Variants in SAMD3 observed in about 807,000 individuals in gnomAD.
SAMD3 encodes sterile alpha motif domain containing 3.
A neutral mutation model predicts 58.5 loss-of-function variants in SAMD3; 63 were observed. The observed-to-expected ratio is 1.08, with a 90% CI of 0.88 to 1.33. The LOEUF is 1.33. SAMD3 is among the 40% of genes most tolerant of loss of function. SAMD3 has a pLI of 0.00. For missense variants in SAMD3, 604 were observed against 608.4 expected (o/e 0.99, Z 0.08); for synonymous variants, 220 against 210.3 (o/e 1.05, Z -0.40).
At chr6:130,206,399 G>C (rs976346646) in intron 5 of SAMD3, among the ~76,000 whole-genome samples, 1 of 152,188 alleles carries the variant, frequency 6.6e-6, no homozygotes, top group Non-Finnish European at 1.5e-5. Flanking sequence ...ACTAGACAGG[G>C]AAGCAGAATG....
intron 2 of SAMD3, among the ~76,000 whole-genome samples, chr6:130,264,593 T>C (rs1363072787): frequency 6.6e-6 from 1 of 152,206 alleles, no homozygotes; most frequent in African/African-American, 2.4e-5. Context: ...AAGCCCCTTA[T>C]GGGTCTTTCA....
chr6:130,280,073 C>T (rs1361963523), intron 2 of SAMD3, among the ~76,000 whole-genome samples: 1 of 151,900 alleles, frequency 6.6e-6, no homozygotes, highest in Non-Finnish European at 1.5e-5. Flanking sequence ...GGCTATTTTT[C>T]CATTTCCCTC....
chr6:130,198,920 G>T (rs1353751948), intron 5 of SAMD3, among the ~76,000 whole-genome samples: 1 of 152,152 alleles, frequency 6.6e-6, no homozygotes, highest in Non-Finnish European at 1.5e-5. Flanking sequence ...TTGACCTTTG[G>T]AGTCATAGCT....
intron 5 of SAMD3, among the ~76,000 whole-genome samples, chr6:130,202,151 C>A (rs1794702983): frequency 6.6e-6 from 1 of 152,204 alleles, no homozygotes. Flanking sequence ...ATATCTTCCC[C>A]TGACAGAAAG....
intron 2 of SAMD3, among the ~76,000 whole-genome samples, chr6:130,309,874 A>C (rs1159762153): frequency 6.6e-6 from 1 of 152,150 alleles, no homozygotes; most frequent in East Asian, 1.9e-4. Context: ...CAGCCTTCCC[A>C]GTTTTCTCCT....
intron 5 of SAMD3, among the ~76,000 whole-genome samples, chr6:130,191,876 A>C (rs1446495359): frequency 6.6e-6 from 1 of 152,238 alleles, no homozygotes; most frequent in Non-Finnish European, 1.5e-5. Flanking sequence ...CTGCTACACA[A>C]TGTGAATTCT....
intron 2 of SAMD3, among the ~76,000 whole-genome samples, chr6:130,271,060 C>T (rs986868438): frequency 2.0e-5 from 3 of 151,506 alleles, no homozygotes; most frequent in Admixed American, 6.6e-5. Flanking sequence ...TGCACTGTGG[C>T]GCCATCTTGG....
upstream of SAMD3, among the ~76,000 whole-genome samples, chr6:130,224,900 G>A (rs1205788977): frequency 4.6e-5 from 7 of 152,158 alleles, no homozygotes; most frequent in African/African-American, 1.4e-4. Context: ...TTACAGGCAT[G>A]AGTCACCACG....
At chr6:130,264,918 G>T (rs1278058031) in intron 2 of SAMD3, among the ~76,000 whole-genome samples, 1 of 152,090 alleles carries the variant, frequency 6.6e-6, no homozygotes, top group Non-Finnish European at 1.5e-5. Context: ...AAGGCCAGTG[G>T]CCTATCTCTC....
intron 1 of SAMD3, among the ~76,000 whole-genome samples, chr6:130,350,168 G>A (rs1230108159): frequency 6.6e-6 from 1 of 152,114 alleles, no homozygotes; most frequent in African/African-American, 2.4e-5. Flanking sequence ...GCACAAGACA[G>A]GGATGCCCTC....
chr6:130,225,099 G>A (rs1305076837), upstream of SAMD3, among the ~76,000 whole-genome samples: 1 of 152,104 alleles, frequency 6.6e-6, no homozygotes, highest in African/African-American at 2.4e-5. Flanking sequence ...AGTGAGCATG[G>A]GGAAGAAAGT....
chr6:130,297,499 G>A (rs145776046), intron 2 of SAMD3, among the ~76,000 whole-genome samples: 263 of 152,282 alleles, frequency 1.7e-3, no homozygotes, highest in African/African-American at 6.0e-3. Flanking sequence ...TGACCCCTCC[G>A]AAGGATTGCA....
chr6:130,209,756 T>C (rs1180124301), intron 4 of SAMD3, 148 bp from the exon 5 acceptor site: 1 of 535,880 alleles, frequency 1.9e-6, no homozygotes, highest in Non-Finnish European at 3.3e-6. Context: ...ACTAAGAGAA[T>C]GGAAAGAAGG....
chr6:130,215,487 C>A, intron 2 of SAMD3, 193 bp from the exon 3 acceptor site: 1 of 1,338,838 alleles, frequency 7.5e-7, no homozygotes. Flanking sequence ...AAAATAAGAC[C>A]TGATTTAAAC....
chr6:130,317,278 G>C (rs893920057), intron 1 of SAMD3, among the ~76,000 whole-genome samples: 1 of 152,180 alleles, frequency 6.6e-6, no homozygotes, highest in Non-Finnish European at 1.5e-5. Context: ...AGATTTAGAT[G>C]AACTGATGGC....
intron 5 of SAMD3, among the ~76,000 whole-genome samples, 171 bp downstream of exon 5, chr6:130,209,324 T>G (rs942250054): frequency 6.6e-6 from 1 of 152,210 alleles, no homozygotes; most frequent in Non-Finnish European, 1.5e-5. Flanking sequence ...ACCAGAAAAT[T>G]TAATCTTCAT....
In SAMD3 at chr6:130,221,136, G is replaced by C. The variant is rs112773621; in HGVS notation, c.-68+1558C>G. Among the ~76,000 whole-genome samples the C allele has an allele frequency of 4.6e-5, 7 of 152,160 alleles. No individual in the cohort carries two copies. In the East Asian group the frequency reaches 1.2e-3, roughly 25 times the overall value. ...CCCAAAGTGCTGGGATTACAGGCAT[G>C]AGCCACCACGCCCAGCCAGTGAAAA... is the stretch of plus-strand genomic sequence containing the variant. On this transcript the variant is annotated intron_variant, in intron 1 of 11. Transcript: ENST00000439090.
chr6:130,208,405 G>C (rs1343816979), intron 5 of SAMD3, among the ~76,000 whole-genome samples: 1 of 152,188 alleles, frequency 6.6e-6, no homozygotes, highest in African/African-American at 2.4e-5. Context: ...CTGGTTCATG[G>C]CCTGTTAGGA....
chr6:130,161,378 G>A (rs573250065), intron 8 of SAMD3: 2 of 152,224 alleles, frequency 1.3e-5, no homozygotes, highest in South Asian at 2.1e-4. Flanking sequence ...TATAGTAGAA[G>A]TTATATAATT....
Sources: gnomAD v4.1 joint callset for allele counts (sites outside exome capture counted in the v4.1 genomes callset) on GRCh38, gnomAD v4.1.1 for gene constraint, MANE v1.5 for transcripts, NCBI Gene and HGNC (gene_info 2026-07-23, HGNC 2026-07-21) for gene names.